The following SWAP70 variants were observed in gnomAD, a reference collection of about 807,000 sequenced individuals.
SWAP70 encodes the protein switch-associated protein 70.
SWAP70 carries 34 observed loss-of-function variants against 80.2 expected under a neutral mutation model. That is an observed-to-expected ratio of 0.42 (90% confidence interval 0.32 to 0.56). The LOEUF (loss-of-function observed/expected upper bound fraction) is 0.56. Among genes scored for constraint, SWAP70 ranks in the 20% least tolerant of loss-of-function variants. The pLI, the probability that SWAP70 is intolerant of heterozygous loss-of-function variation, is 0.09. For missense variants in SWAP70, 578 were observed against 690.7 expected, an observed-to-expected ratio of 0.84 and a Z score of 1.83; for synonymous variants, 239 against 238.5, an observed-to-expected ratio of 1.00 and a Z score of -0.02.
intron 1 of SWAP70, among the ~76,000 whole-genome samples, chr11:9,689,670 CT>C (rs1490097881): frequency 6.6e-6 from 1 of 152,208 alleles, no homozygotes; most frequent in African/African-American, 2.4e-5. Flanking sequence ...ATTCTTTTGT[CT>C]TAATCTGCTT....
intron 1 of SWAP70, among the ~76,000 whole-genome samples, chr11:9,682,787 A>G (rs368110001): frequency 6.6e-6 from 1 of 152,050 alleles, no homozygotes; most frequent in Admixed American, 6.6e-5. Flanking sequence ...AGTGATTCTC[A>G]TGCCTCAGCC....
intron 1 of SWAP70, among the ~76,000 whole-genome samples, chr11:9,671,630 A>G (rs1850398905): frequency 1.5e-5 from 1 of 64,752 alleles, no homozygotes; most frequent in South Asian, 5.7e-4. Flanking sequence ...CTATATAAAT[A>G]TATAAATATT....
At chr11:9,718,636 A>T (rs1851095130) in intron 3 of SWAP70, among the ~76,000 whole-genome samples, 1 of 151,994 alleles carries the variant, frequency 6.6e-6, no homozygotes, top group African/African-American at 2.4e-5. Flanking sequence ...TTGAAGTATA[A>T]TGTCATAATT....
chr11:9,730,957 G>A (rs1693900281), intron 6 of SWAP70, among the ~76,000 whole-genome samples: 1 of 152,130 alleles, frequency 6.6e-6, no homozygotes, highest in South Asian at 2.1e-4. Context: ...GTAGTCCCTA[G>A]TGTCTGCTGT....
chr11:9,671,309 T>A (rs1436513058), intron 1 of SWAP70, among the ~76,000 whole-genome samples: 6 of 92,986 alleles, frequency 6.5e-5, no homozygotes, highest in South Asian at 3.4e-4. Flanking sequence ...AATATATTTA[T>A]AAATATAAAT....
At chr11:9,749,303 G>A (rs533070806) in intron 11 of SWAP70, 120 bp downstream of exon 11, 1 of 399,138 alleles carries the variant, frequency 2.5e-6, no homozygotes, top group Admixed American at 5.5e-5. Flanking sequence ...ATGGAGTGCA[G>A]TGGTGCGATC....
intron 1 of SWAP70, among the ~76,000 whole-genome samples, chr11:9,677,196 G>A (rs916592162): frequency 6.6e-6 from 1 of 151,958 alleles, no homozygotes; most frequent in African/African-American, 2.4e-5. Flanking sequence ...TAGGAATAGG[G>A]CATCTTATTT....
At chr11:9,683,373 G>A (rs1850591994) in intron 1 of SWAP70, among the ~76,000 whole-genome samples, 1 of 151,788 alleles carries the variant, frequency 6.6e-6, no homozygotes, top group Non-Finnish European at 1.5e-5. Context: ...CCCAGATCGA[G>A]CTACTGCACT....
In SWAP70 at chr11:9,740,475, G is replaced by C. The variant is rs767809866; in HGVS notation, c.1355+128G>C. 22 of 959,114 alleles carry C rather than the reference G, an allele frequency of 2.3e-5. No homozygotes were observed. The East Asian group carries it at 5.2e-4, about 23-fold the overall frequency. 59.4% of individuals were successfully genotyped at this position (959,114 alleles called of 1,614,324 possible). On this transcript the variant is annotated intron_variant, in intron 9 of 11. Coordinates refer to ENST00000318950, the MANE Select transcript of SWAP70 (RefSeq NM_015055.4). ...CTCTGGCTGTGACTGAGCTCGAGGT[G>C]CTGTCCAGATTAGAAAGACTGTGGA...
At chr11:9,697,198 A>G (rs1245143869) in intron 2 of SWAP70, among the ~76,000 whole-genome samples, 1 of 151,954 alleles carries the variant, frequency 6.6e-6, no homozygotes, top group African/African-American at 2.4e-5. Context: ...GTCTTTTTAC[A>G]ATAGTAAAGT....
At chr11:9,669,150 T>C (rs1282874256) in intron 1 of SWAP70, among the ~76,000 whole-genome samples, 12 of 152,240 alleles carry the variant, frequency 7.9e-5, no homozygotes, top group African/African-American at 2.9e-4. Context: ...ACTGGTGTGA[T>C]TGCTTTATGA....
chr11:9,747,800 C>A, intron 9 of SWAP70, 58 bp from the exon 10 acceptor site: 1 of 1,537,970 alleles, frequency 6.5e-7, no homozygotes, highest in Non-Finnish European at 9.0e-7. Flanking sequence ...CCCTCGTCTG[C>A]TGGGTCAGGG....
At position 9,751,398 on chromosome 11, in the gene SWAP70, T is replaced by C. The variant is rs1851587841; in HGVS notation, c.*1428T>C. 6.6e-6 allele frequency: 1 copy of C among 152,262 alleles called. No individual in the cohort carries two copies. The highest frequency in any genetic ancestry group is 2.4e-5 in the African/African-American group (1 of 41,474). The allele number at this position is 152,262 out of a possible 1,614,324, so 9.4% of individuals were successfully genotyped here. A position where few individuals can be genotyped will look rare whatever the true frequency, so the allele number is the denominator to read the frequency against. ...ATCTTTGGATTAAAAAGAACATTTA[T>C]GAAATCAAGCCTTCTAACACTAGTT... On this transcript the variant is annotated 3_prime_UTR_variant, in exon 12 of 12. Transcript: ENST00000318950.
At position 9,667,527 on chromosome 11, in the gene SWAP70, C is replaced by T. The variant is rs985321252; in HGVS notation, c.99+3249C>T. Among the ~76,000 whole-genome samples, 13 of 152,142 alleles carry T rather than the reference C, an allele frequency of 8.5e-5. No homozygotes were observed. In the South Asian group the frequency reaches 2.7e-3, roughly 32 times the overall value. On this transcript the variant is annotated intron_variant, in intron 1 of 11. Coordinates refer to ENST00000318950, the MANE Select transcript of SWAP70 (RefSeq NM_015055.4). ...CTTGGCCTTCTAAAGTGCTGGTATTCAGATATGAGCCACCTTGTCCAGACA... is the reference window on the plus strand; with the variant it reads ...CTTGGCCTTCTAAAGTGCTGGTATTTAGATATGAGCCACCTTGTCCAGACA...
intron 3 of SWAP70, among the ~76,000 whole-genome samples, chr11:9,722,228 A>G (rs1851147963): frequency 7.3e-6 from 1 of 136,276 alleles, no homozygotes. Context: ...CATAGATGAG[A>G]AAATTAAGGC....
chr11:9,743,428 C>G (rs890422509), intron 9 of SWAP70, among the ~76,000 whole-genome samples: 4 of 151,818 alleles, frequency 2.6e-5, no homozygotes, highest in African/African-American at 9.7e-5. Flanking sequence ...AATGGGATGG[C>G]TGGGTCAAAT....
intron 1 of SWAP70, among the ~76,000 whole-genome samples, chr11:9,665,494 A>G (rs1368392653): frequency 2.0e-5 from 3 of 152,186 alleles, no homozygotes; most frequent in East Asian, 1.9e-4. Flanking sequence ...CACCACAACC[A>G]TGGCTTCCTC....
At chr11:9,677,878 A>G (rs892297289) in intron 1 of SWAP70, among the ~76,000 whole-genome samples, 8 of 152,176 alleles carry the variant, frequency 5.3e-5, no homozygotes, top group Non-Finnish European at 8.8e-5. Context: ...TAGATTTTCA[A>G]CTAAAATCTT....
intron 9 of SWAP70, 64 bp from the exon 10 acceptor site, chr11:9,747,794 C>T (rs557724051): frequency 2.9e-5 from 43 of 1,492,362 alleles, no homozygotes; most frequent in Admixed American, 5.0e-5. Context: ...ATGCTTCCCT[C>T]GTCTGCTGGG....
Sources: gnomAD v4.1 joint callset for allele counts (sites outside exome capture counted in the v4.1 genomes callset) on GRCh38, gnomAD v4.1.1 for gene constraint, MANE v1.5 for transcripts, NCBI Gene and HGNC (gene_info 2026-07-23, HGNC 2026-07-21) for gene names.